The following EPHB2 variants were observed in gnomAD, a reference collection of about 807,000 sequenced individuals.
EPHB2 encodes the protein EPH receptor B2, also known as ephrin type-B receptor 2.
Under a neutral mutation model 96.4 loss-of-function variants are expected in EPHB2, and 18 were observed. That is an observed-to-expected ratio of 0.19 (90% CI 0.13 to 0.28). EPHB2 has a LOEUF of 0.28. EPHB2 is among the 10% of genes least tolerant of loss of function. The pLI is 1.00. For synonymous variants in EPHB2, 506 were observed against 534.1 expected (o/e 0.95, Z 0.72); for missense variants, 989 against 1,355.4 (o/e 0.73, Z 4.25).
Position 22,844,497 on chromosome 1 carries a change from A to G in EPHB2, c.812-18540A>G, listed in dbSNP as rs533544451. Among the ~76,000 whole-genome samples the G allele has an allele frequency of 3.9e-5, 6 of 152,342 alleles. No individual in the cohort carries two copies. The East Asian group carries it at 1.2e-3, about 29-fold the overall frequency. The stretch of plus-strand genomic sequence containing the variant: ...GAGAGGGGTCTTAGGGGTAGGCAGG[A>G]GCCTGTCCAGTTTGACAGCAGGGTC... On this transcript the variant is annotated intron_variant, in intron 3 of 15. Transcript: ENST00000374630.
intron 3 of EPHB2, 112 bp downstream of exon 3, chr1:22,785,188 G>T: frequency 3.0e-6 from 4 of 1,316,564 alleles, no homozygotes; most frequent in Non-Finnish European, 4.1e-6. Context: ...TGACCATGAG[G>T]CACTCTAGGG....
chr1:22,763,668 T>A (rs1644266600), intron 1 of EPHB2, among the ~76,000 whole-genome samples: 2 of 152,128 alleles, frequency 1.3e-5, no homozygotes, highest in Non-Finnish European at 2.9e-5. Context: ...GGATGGTCTG[T>A]TAGTTTCTTG....
At chr1:22,840,238 G>C (rs186474411) in intron 3 of EPHB2, among the ~76,000 whole-genome samples, 2 of 152,276 alleles carry the variant, frequency 1.3e-5, no homozygotes. Context: ...CTAGCGTGGT[G>C]TGTGGCATTC....
chr1:22,813,469 C>G (rs1372248223), intron 3 of EPHB2, among the ~76,000 whole-genome samples: 1 of 152,154 alleles, frequency 6.6e-6, no homozygotes, highest in East Asian at 1.9e-4. Flanking sequence ...GTGGTGCAGT[C>G]CGGCTCCTTG....
At chr1:22,908,313 G>T in intron 12 of EPHB2, 145 bp downstream of exon 12, 1 of 998,780 alleles carries the variant, frequency 1.0e-6, no homozygotes. Context: ...AGGAACCACA[G>T]CTCCTGCCCT....
chr1:22,743,962 C>T (rs1161804162), intron 1 of EPHB2, among the ~76,000 whole-genome samples: 1 of 152,182 alleles, frequency 6.6e-6, no homozygotes, highest in Non-Finnish European at 1.5e-5. Flanking sequence ...TCTGAACCCC[C>T]AAATTACAAC....
At chr1:22,799,685 A>G (rs1397302193) in intron 3 of EPHB2, among the ~76,000 whole-genome samples, 1 of 152,182 alleles carries the variant, frequency 6.6e-6, no homozygotes, top group East Asian at 1.9e-4. Context: ...GCTCCAGTCC[A>G]CACAGCAAGT....
At chr1:22,804,722 TC>T in intron 3 of EPHB2, among the ~76,000 whole-genome samples, 1 of 151,822 alleles carries the variant, frequency 6.6e-6, no homozygotes, top group East Asian at 1.9e-4. Flanking sequence ...ACTTGACTCT[TC>T]CCTCCCACCT....
At chr1:22,865,839 T>C (rs967964691) in intron 5 of EPHB2, among the ~76,000 whole-genome samples, 1 of 152,108 alleles carries the variant, frequency 6.6e-6, no homozygotes, top group Non-Finnish European at 1.5e-5. Context: ...TTCTGTGAAG[T>C]TCAGCCCACT....
At chr1:22,820,429 G>A (rs1645136930) in intron 3 of EPHB2, among the ~76,000 whole-genome samples, 2 of 152,240 alleles carry the variant, frequency 1.3e-5, no homozygotes. Context: ...GGGAGGCTGA[G>A]GCAGGAGGAT....
At chr1:22,818,474 G>A (rs1037229209) in intron 3 of EPHB2, among the ~76,000 whole-genome samples, 2 of 152,094 alleles carry the variant, frequency 1.3e-5, no homozygotes, top group Admixed American at 1.3e-4. Flanking sequence ...CCCTCTGGCA[G>A]CTCCAGAACC....
At position 22,900,225 on chromosome 1, in the gene EPHB2, C is replaced by T. The variant is rs779740093; in HGVS notation, c.1765+3747C>T. Among the ~76,000 whole-genome samples the T allele has an allele frequency of 1.7e-4, 26 of 150,696 alleles. 1 individual carries two copies. The highest frequency in any genetic ancestry group is 2.1e-4 in the South Asian group (1 of 4,702). The stretch of plus-strand genomic sequence containing the variant: ...AGGAGAATTGCTTGAACCTGGGAGG[C>T]GAAGGTTGCAGTGAGCTGAGATCAC... On this transcript the variant is annotated intron_variant, in intron 9 of 15. Coordinates refer to ENST00000374630, the MANE Select transcript of EPHB2 (RefSeq NM_017449.5).
At chr1:22,873,495 G>T (rs75643531) in intron 5 of EPHB2, among the ~76,000 whole-genome samples, 2,009 of 152,294 alleles carry the variant, frequency 0.013, 41 homozygotes, top group African/African-American at 0.043. Context: ...CACAAGACAC[G>T]TGGCCAAGCG....
intron 3 of EPHB2, among the ~76,000 whole-genome samples, chr1:22,794,077 T>C (rs1333412811): frequency 6.6e-6 from 1 of 152,162 alleles, no homozygotes; most frequent in African/African-American, 2.4e-5. Context: ...AACCTCAGTT[T>C]GCTTACCTGG....
At position 22,742,810 on chromosome 1, in the gene EPHB2, G is replaced by A. The variant is rs112945076; in HGVS notation, c.61+31767G>A. On this transcript the variant is annotated intron_variant, in intron 1 of 15. Transcript: ENST00000374630. Reference sequence around the variant, plus strand: ...GACTTTCTTTTCTAAGTGCTTTGATGTCTTTCTGAGCAGAGAAGTTTAACC... The same window carrying A: ...GACTTTCTTTTCTAAGTGCTTTGATATCTTTCTGAGCAGAGAAGTTTAACC... Among the ~76,000 whole-genome samples the A allele has an allele frequency of 1.9e-3, 292 of 152,090 alleles. 1 individual carries two copies. Among genetic ancestry groups the A allele is most frequent in the African/African-American group, 6.8e-3 (283 of 41,486 alleles).
intron 4 of EPHB2, among the ~76,000 whole-genome samples, chr1:22,864,632 C>A (rs112449884): frequency 6.6e-6 from 1 of 152,144 alleles, no homozygotes; most frequent in South Asian, 2.1e-4. Context: ...TAATTCCAAA[C>A]GCAAAAATAC....
intron 5 of EPHB2, among the ~76,000 whole-genome samples, chr1:22,881,361 G>A (rs2148549237): frequency 6.6e-6 from 1 of 151,762 alleles, no homozygotes; most frequent in South Asian, 2.1e-4. Context: ...TCATGCCACT[G>A]CACTCTAGCT....
intron 3 of EPHB2, among the ~76,000 whole-genome samples, chr1:22,840,219 C>G (rs1414336297): frequency 6.6e-6 from 1 of 152,140 alleles, no homozygotes; most frequent in Non-Finnish European, 1.5e-5. Context: ...GATGATGTCA[C>G]TAAAGCCTCT....
rs572441789 is a variant in EPHB2 at position 22,732,535 on chromosome 1, G to A, written c.61+21492G>A. On this transcript the variant is annotated intron_variant, in intron 1 of 15. Coordinates refer to ENST00000374630, the MANE Select transcript of EPHB2 (RefSeq NM_017449.5). The stretch of plus-strand genomic sequence containing the variant: ...CCTCATTTCATTCCACACCCTCAGT[G>A]CGCGTGTGCACACAGATATACACAC... Among the ~76,000 whole-genome samples the A allele has an allele frequency of 3.4e-3, 515 of 152,166 alleles. 2 individuals carry two copies. Among genetic ancestry groups the A allele is most frequent in the Non-Finnish European group, 6.1e-3 (415 of 68,028 alleles).
Sources: allele counts gnomAD v4.1 joint callset (sites outside exome capture counted in the v4.1 genomes callset), GRCh38; gene constraint gnomAD v4.1.1; transcripts MANE v1.5; gene names NCBI Gene and HGNC (gene_info 2026-07-23, HGNC 2026-07-21).